Variants in IGF2BP3 observed in about 807,000 individuals in gnomAD.
The protein encoded by IGF2BP3 is insulin-like growth factor 2 mRNA-binding protein 3.
Under a neutral mutation model 73.8 loss-of-function variants are expected in IGF2BP3, and 9 were observed. That is an observed-to-expected ratio of 0.12 (90% CI 0.07 to 0.21). The LOEUF (loss-of-function observed/expected upper bound fraction) is 0.21, where lower values mean the gene tolerates loss of function less well. Among genes scored for constraint, IGF2BP3 ranks in the 10% least tolerant of loss-of-function variants. The pLI, the probability that IGF2BP3 is intolerant of heterozygous loss-of-function variation, is 1.00. For missense variants in IGF2BP3, 542 were observed against 714.0 expected, an observed-to-expected ratio of 0.76 and a Z score of 2.75; for synonymous variants, 258 against 256.7, an observed-to-expected ratio of 1.01 and a Z score of -0.05.
In IGF2BP3 at chr7:23,334,951, T is replaced by G. The variant is rs556139762; in HGVS notation, c.1203+7113A>C. 2.0e-4 allele frequency among the ~76,000 whole-genome samples: 31 copies of G among 152,078 alleles called. 1 individual carries two copies. Among genetic ancestry groups the G allele is most frequent in the African/African-American group, 6.7e-4 (28 of 41,494 alleles). On this transcript the variant is annotated intron_variant, in intron 10 of 14. Transcript: ENST00000258729. Reference sequence around the variant, plus strand: ...CTGGAAGGATGCCACGGTTTCCCTTTGGCTTGTAAAATAGATACTCCTGGG... The same window carrying G: ...CTGGAAGGATGCCACGGTTTCCCTTGGGCTTGTAAAATAGATACTCCTGGG...
In IGF2BP3 at chr7:23,417,997, C is replaced by T. The variant is rs543855018; in HGVS notation, c.285+779G>A. On this transcript the variant is annotated intron_variant, in intron 3 of 14. Coordinates refer to ENST00000258729, the MANE Select transcript of IGF2BP3 (RefSeq NM_006547.3). Reference sequence around the variant, plus strand: ...TGGAGAATCAGACTTAGATCAACTTCCCACCAAACTAACCTTTTAACCAAA... The same window carrying T: ...TGGAGAATCAGACTTAGATCAACTTTCCACCAAACTAACCTTTTAACCAAA... Among the ~76,000 whole-genome samples the T allele has an allele frequency of 1.1e-4, 17 of 152,304 alleles. No homozygotes were observed. The South Asian group carries it at 3.3e-3, about 30-fold the overall frequency.
chr7:23,452,239 C>A (rs958551164), intron 2 of IGF2BP3, among the ~76,000 whole-genome samples: 1 of 151,940 alleles, frequency 6.6e-6, no homozygotes, highest in African/African-American at 2.4e-5. Context: ...CTCCTAACCT[C>A]GTGATCCGCC....
intron 3 of IGF2BP3, among the ~76,000 whole-genome samples, chr7:23,401,484 G>A (rs1786662038): frequency 6.6e-6 from 1 of 152,178 alleles, no homozygotes; most frequent in African/African-American, 2.4e-5. Context: ...TCACTGCTAT[G>A]CCAGGCACGG....
chr7:23,414,974 C>T (rs1787141337), intron 3 of IGF2BP3: 1 of 186,142 alleles, frequency 5.4e-6, no homozygotes, highest in Non-Finnish European at 1.1e-5. Context: ...ATCCGTCAGT[C>T]AGCATCACTG....
intron 2 of IGF2BP3, among the ~76,000 whole-genome samples, chr7:23,430,945 T>C (rs957733694): frequency 2.0e-5 from 3 of 152,190 alleles, no homozygotes; most frequent in Non-Finnish European, 4.4e-5. Flanking sequence ...CATGGAGATA[T>C]TATAAATATG....
At chr7:23,383,446 C>T (rs895305199) in intron 3 of IGF2BP3, among the ~76,000 whole-genome samples, 11 of 152,128 alleles carry the variant, frequency 7.2e-5, no homozygotes, top group African/African-American at 2.7e-4. Context: ...CCACTTTACA[C>T]CCAGTAGGCT....
At chr7:23,367,577 T>G (rs113476850) in intron 3 of IGF2BP3, among the ~76,000 whole-genome samples, 144 of 152,178 alleles carry the variant, frequency 9.5e-4, no homozygotes, top group African/African-American at 3.1e-3. Context: ...AAGTTTAAAT[T>G]CCAACGACAG....
At chr7:23,336,989 T>C (rs1296462496) in intron 10 of IGF2BP3, among the ~76,000 whole-genome samples, 1 of 151,448 alleles carries the variant, frequency 6.6e-6, no homozygotes, top group East Asian at 1.9e-4. Context: ...GCAAAGAAAC[T>C]GGTAAAGCTT....
chr7:23,377,157 G>C (rs1785749882), intron 3 of IGF2BP3, among the ~76,000 whole-genome samples: 1 of 152,036 alleles, frequency 6.6e-6, no homozygotes, highest in Non-Finnish European at 1.5e-5. Context: ...TAAAACCTTT[G>C]TGCTTCAAAG....
intron 5 of IGF2BP3, among the ~76,000 whole-genome samples, chr7:23,357,601 T>C (rs565090585): frequency 1.3e-5 from 2 of 152,290 alleles, no homozygotes; most frequent in South Asian, 2.1e-4. Context: ...GGGAAGGAAA[T>C]AGGTGAGCCT....
intron 2 of IGF2BP3, among the ~76,000 whole-genome samples, chr7:23,434,211 C>T (rs1212807357): frequency 6.6e-6 from 1 of 151,818 alleles, no homozygotes; most frequent in Non-Finnish European, 1.5e-5. Flanking sequence ...CTTTTAAAAC[C>T]ACTGTATTTT....
chr7:23,347,267 T>A (rs973666818), intron 7 of IGF2BP3, among the ~76,000 whole-genome samples: 1 of 152,150 alleles, frequency 6.6e-6, no homozygotes, highest in African/African-American at 2.4e-5. Context: ...AGAGCTCCAA[T>A]GAGCTCCGAG....
chr7:23,319,083 C>G lies in IGF2BP3; in HGVS notation c.1320+55G>C, dbSNP rs1706394582. On this transcript the variant is annotated intron_variant, in intron 11 of 14. Coordinates refer to ENST00000258729, the MANE Select transcript of IGF2BP3 (RefSeq NM_006547.3). The stretch of plus-strand genomic sequence containing the variant: ...CAAATTATAAAGTGGCAAGAAGATT[C>G]ATATTTCTGTAACTTACTTAAAGAA... 2.8e-6 allele frequency: 3 copies of G among 1,088,888 alleles called. No homozygotes were observed. In the East Asian group the frequency reaches 7.1e-5, roughly 26 times the overall value. 67.5% of individuals were successfully genotyped at this position (1,088,888 alleles called of 1,614,324 possible).
At chr7:23,315,592 CAGAAAGCTG>C (rs1783964697) in intron 12 of IGF2BP3, among the ~76,000 whole-genome samples, 1 of 152,152 alleles carries the variant, frequency 6.6e-6, no homozygotes, top group Admixed American at 6.5e-5. Flanking sequence ...TTCACTGATT[CAGAAAGCTG>C]AGCTCATTTT....
At chr7:23,460,199 A>AAAAAAAAAAAG in intron 2 of IGF2BP3, among the ~76,000 whole-genome samples, 1 of 148,370 alleles carries the variant, frequency 6.7e-6, no homozygotes. Flanking sequence ...AAAAAAAACA[A>AAAAAAAAAAAG]AAACGAAAGT....
chr7:23,331,148 CTTCCT>C (rs1478978294), intron 10 of IGF2BP3, among the ~76,000 whole-genome samples: 1 of 152,154 alleles, frequency 6.6e-6, no homozygotes, highest in Non-Finnish European at 1.5e-5. Flanking sequence ...AAGATGATTT[CTTCCT>C]TTCTTTAATA....
chr7:23,314,598 C>T (rs933895814), intron 12 of IGF2BP3, among the ~76,000 whole-genome samples: 1 of 152,136 alleles, frequency 6.6e-6, no homozygotes, highest in African/African-American at 2.4e-5. Context: ...CAAGCCACCA[C>T]ACCTGGTCAC....
At position 23,340,584 on chromosome 7, in the gene IGF2BP3, AAATATT is replaced by A. The variant is rs1489684770; in HGVS notation, c.1203+1474_1203+1479del. 2.1e-4 allele frequency among the ~76,000 whole-genome samples: 32 copies of A among 152,310 alleles called. No homozygotes were observed. The East Asian group carries it at 4.6e-3, about 22-fold the overall frequency. ...AAATTGGTGTAAGAGGTATCACTCA[AAATATT>A]AATATTAAGTAAGTGAGCCAAACAA... is the stretch of plus-strand genomic sequence containing the variant. On this transcript the variant is annotated intron_variant, in intron 10 of 14. Coordinates refer to ENST00000258729, the MANE Select transcript of IGF2BP3 (RefSeq NM_006547.3).
rs1476821765 is a variant in IGF2BP3 at position 23,311,399 on chromosome 7, CAT to C, written c.*961_*962del. ...ACAAAGCATTTATTATGCATTCAAT[CAT>C]GTAGCTAAACAAAAAACTGAAGTCT... On this transcript the variant is annotated 3_prime_UTR_variant, in exon 15 of 15. Transcript: ENST00000258729. 1 of 152,618 alleles carries C rather than the reference CAT, an allele frequency of 6.6e-6. No individual in the cohort carries two copies. Among genetic ancestry groups the C allele is most frequent in the African/African-American group, 2.4e-5 (1 of 41,440 alleles). The allele number at this position is 152,618 out of a possible 1,614,324, so 9.5% of individuals were successfully genotyped here.
Sources: allele counts gnomAD v4.1 joint callset (sites outside exome capture counted in the v4.1 genomes callset), GRCh38; gene constraint gnomAD v4.1.1; transcripts MANE v1.5; gene names NCBI Gene and HGNC (gene_info 2026-07-23, HGNC 2026-07-21).